Variants in SP140L observed in about 807,000 individuals in gnomAD.
SP140L encodes nuclear body protein SP140-like protein.
A neutral mutation model predicts 84.3 loss-of-function variants in SP140L; 64 were observed. The ratio of observed to expected loss-of-function variants is 0.76; its 90% CI spans 0.62 to 0.94. The LOEUF is 0.94. SP140L is among the 40% of genes least tolerant of loss of function. SP140L has a pLI of 0.00. For missense variants in SP140L, 628 were observed against 692.5 expected, an observed-to-expected ratio of 0.91 and a Z score of 1.05; for synonymous variants, 242 against 236.9, an observed-to-expected ratio of 1.02 and a Z score of -0.20.
At position 230,362,163 on chromosome 2, in the gene SP140L, G is replaced by C. The variant is rs771281310; in HGVS notation, c.523+466G>C. Among the ~76,000 whole-genome samples the C allele has an allele frequency of 7.2e-5, 11 of 152,246 alleles. No individual in the cohort carries two copies. In the East Asian group the frequency reaches 1.9e-3, roughly 27 times the overall value. ...GTGGAGAACCTCCCCACACCAACCAGTTCTTCAGTTCCCTGCAGAATTGTG... is the reference window on the plus strand; with the variant it reads ...GTGGAGAACCTCCCCACACCAACCACTTCTTCAGTTCCCTGCAGAATTGTG... On this transcript the variant is annotated intron_variant, in intron 5 of 18. Transcript: ENST00000415673.
chr2:230,359,369 G>T (rs1050890649), intron 4 of SP140L, among the ~76,000 whole-genome samples: 2 of 152,150 alleles, frequency 1.3e-5, no homozygotes, highest in African/African-American at 4.8e-5. Flanking sequence ...AGCCACACTG[G>T]CATCAGATTT....
chr2:230,328,910 G>T, intron 2 of SP140L, 79 bp downstream of exon 2: 2 of 1,493,866 alleles, frequency 1.3e-6, no homozygotes, highest in Admixed American at 2.4e-5. Flanking sequence ...ATGTTTCTTG[G>T]CCACTGAAAT....
Position 230,358,999 on chromosome 2 carries a change from A to T in SP140L, c.306A>T (p.Val102=). Reference sequence around the variant, plus strand: ...ATTCTTGTAGAAACCTGGTCCCTGTACAAAGAGTGGTGTACAATGTTCTCA... The same window carrying T: ...ATTCTTGTAGAAACCTGGTCCCTGTTCAAAGAGTGGTGTACAATGTTCTCA... ...SEDSCRNLVP[V]QRVVYNVLSE... The change falls in exon 4 of 19, where the codon GTA becomes GTT. Residue 102 remains valine, a synonymous_variant. Transcript: ENST00000415673. 1 of 1,607,860 alleles carries T rather than the reference A, an allele frequency of 6.2e-7. No individual in the cohort carries two copies. The highest frequency in any genetic ancestry group is 8.5e-7 in the Non-Finnish European group (1 of 1,178,348).
At chr2:230,342,541 A>G (rs2060087201) in intron 2 of SP140L, among the ~76,000 whole-genome samples, 1 of 152,012 alleles carries the variant, frequency 6.6e-6, no homozygotes, top group African/African-American at 2.4e-5. Flanking sequence ...TTTAATGGAA[A>G]GGTTTTTTTT....
At chr2:230,329,833 T>G (rs993655904) in intron 2 of SP140L, among the ~76,000 whole-genome samples, 9 of 152,194 alleles carry the variant, frequency 5.9e-5, no homozygotes, top group Non-Finnish European at 8.8e-5. Context: ...GATTTCTTGT[T>G]TCTTGTAATT....
chr2:230,396,561 C>T (rs1452354787), intron 13 of SP140L, among the ~76,000 whole-genome samples, 196 bp from the exon 14 acceptor site: 1 of 152,224 alleles, frequency 6.6e-6, no homozygotes, highest in Non-Finnish European at 1.5e-5. Flanking sequence ...TTACTGTTTA[C>T]ATCAGGTTTC....
At chr2:230,370,393 G>T (rs1012479728) in intron 5 of SP140L, among the ~76,000 whole-genome samples, 1 of 152,056 alleles carries the variant, frequency 6.6e-6, no homozygotes, top group Non-Finnish European at 1.5e-5. Flanking sequence ...CAAGGAAATA[G>T]GTTGTCCTCT....
Position 230,360,505 on chromosome 2 carries a change from A to T in SP140L, c.440-1109A>T, listed in dbSNP as rs1043567814. Among the ~76,000 whole-genome samples the T allele has an allele frequency of 5.3e-5, 8 of 152,364 alleles. No individual in the cohort carries two copies. The South Asian group carries it at 6.2e-4, about 12-fold the overall frequency. On this transcript the variant is annotated intron_variant, in intron 4 of 18. Coordinates refer to ENST00000415673, the MANE Select transcript of SP140L (RefSeq NM_138402.6). ...AAGTCATTCAAGTCAGAAAGTGAAT[A>T]AAAGGAAATCACATATCTGGGCACA...
intron 2 of SP140L, among the ~76,000 whole-genome samples, chr2:230,348,141 T>A (rs931906451): frequency 6.6e-6 from 1 of 152,234 alleles, no homozygotes; most frequent in African/African-American, 2.4e-5. Flanking sequence ...CCTCTTGATA[T>A]GGCACTTTGC....
At position 230,388,617 on chromosome 2, in the gene SP140L, A is replaced by G. The variant is rs2061682709; in HGVS notation, c.843A>G (p.Lys281=). ...CTCAGAGTGACAGAGCTCCACAGAAAAGAGTCCGATCAAGAGGTAAAAAAG... is the reference window on the plus strand; with the variant it reads ...CTCAGAGTGACAGAGCTCCACAGAAGAGAGTCCGATCAAGAGGTAAAAAAG... ...HFTQSDRAPQ[K]RVRSRASRKH... Residue 281 remains lysine, a synonymous_variant, in exon 10 of 19, where the codon AAA becomes AAG. Coordinates refer to ENST00000415673, the MANE Select transcript of SP140L (RefSeq NM_138402.6). The G allele has an allele frequency of 9.9e-6, 16 of 1,609,430 alleles. No homozygotes were observed. The highest frequency in any genetic ancestry group is 1.3e-5 in the Non-Finnish European group (15 of 1,178,526).
In SP140L at chr2:230,327,265, G is replaced by T. The variant is rs1178124750; in HGVS notation, c.-5G>T. On this transcript the variant is annotated 5_prime_UTR_variant, in exon 1 of 19. Coordinates refer to ENST00000415673, the MANE Select transcript of SP140L (RefSeq NM_138402.6). Reference sequence around the variant, plus strand: ...TGACACCCAGGCAGGGCCTAGGGTGGGACGATGGCAGGTGGGGGCAGCGAC... The same window carrying T: ...TGACACCCAGGCAGGGCCTAGGGTGTGACGATGGCAGGTGGGGGCAGCGAC... 6.2e-7 allele frequency: 1 copy of T among 1,610,860 alleles called. No homozygotes were observed. The highest frequency in any genetic ancestry group is 2.2e-5 in the East Asian group (1 of 44,772).
intron 9 of SP140L, among the ~76,000 whole-genome samples, chr2:230,387,184 A>G (rs968017531): frequency 6.6e-6 from 1 of 152,212 alleles, no homozygotes; most frequent in African/African-American, 2.4e-5. Context: ...TTGGAGAACC[A>G]CAGTTCCACC....
intron 14 of SP140L, among the ~76,000 whole-genome samples, chr2:230,397,169 C>T (rs928104110): frequency 2.0e-5 from 3 of 152,152 alleles, no homozygotes; most frequent in African/African-American, 7.2e-5. Flanking sequence ...AGGATAACAG[C>T]ATTCTCAAGT....
intron 7 of SP140L, among the ~76,000 whole-genome samples, chr2:230,376,064 T>C (rs1035230152): frequency 6.6e-6 from 1 of 152,208 alleles, no homozygotes; most frequent in Non-Finnish European, 1.5e-5. Flanking sequence ...CTTTAATCTA[T>C]TTGGAGTTAA....
chr2:230,336,828 T>G (rs943711246), intron 2 of SP140L, among the ~76,000 whole-genome samples: 5 of 152,208 alleles, frequency 3.3e-5, no homozygotes, highest in African/African-American at 1.2e-4. Flanking sequence ...CATAGACTGG[T>G]AGAATATATC....
chr2:230,331,626 C>A (rs2059727130), intron 2 of SP140L, among the ~76,000 whole-genome samples: 1 of 152,296 alleles, frequency 6.6e-6, no homozygotes, highest in East Asian at 1.9e-4. Context: ...ATGATCCCAG[C>A]TAGAAACATG....
rs535870347 is a variant in SP140L, at chr2:230,386,063, AG to A, written c.784+762del. ...AGATGCTTTCATCAAGTCCACTGCA[AG>A]GGAAGGGGAGGGGTCAGGCATCACA... On this transcript the variant is annotated intron_variant, in intron 9 of 18. Transcript: ENST00000415673. Among the ~76,000 whole-genome samples, 38 of 152,296 alleles carry A rather than the reference AG, an allele frequency of 2.5e-4. No homozygotes were observed. The East Asian group carries it at 5.8e-3, about 23-fold the overall frequency.
intron 5 of SP140L, among the ~76,000 whole-genome samples, chr2:230,366,060 C>T (rs989960341): frequency 6.6e-6 from 1 of 151,992 alleles, no homozygotes; most frequent in African/African-American, 2.4e-5. Context: ...GAGAATGTTC[C>T]ATGTACAAGT....
chr2:230,357,770 G>A (rs765303520), intron 2 of SP140L, 35 bp from the exon 3 acceptor site: 10 of 1,584,078 alleles, frequency 6.3e-6, no homozygotes, highest in Non-Finnish European at 8.6e-6. Context: ...TCAGAATCTT[G>A]ATGACCATTT....
Sources: allele counts gnomAD v4.1 joint callset (sites outside exome capture counted in the v4.1 genomes callset), GRCh38; gene constraint gnomAD v4.1.1; transcripts MANE v1.5; gene names NCBI Gene and HGNC (gene_info 2026-07-23, HGNC 2026-07-21).